The following CNTN5 variants were observed in gnomAD, a reference collection of about 807,000 sequenced individuals.
The protein encoded by CNTN5 is contactin-5.
In CNTN5, 77 loss-of-function variants were observed where a neutral mutation model predicts 129.1. That is an observed-to-expected ratio of 0.60 (90% CI 0.50 to 0.72). The LOEUF (loss-of-function observed/expected upper bound fraction) is 0.72. Ranked by LOEUF, CNTN5 falls within the 30% of genes least tolerant of loss-of-function variation. The pLI is 0.00. For missense variants in CNTN5, 1,478 were observed against 1,328.8 expected (o/e 1.11, Z -1.75); for synonymous variants, 509 against 465.6 (o/e 1.09, Z -1.20).
chr11:99,541,513 T>C (rs1478257760), intron 2 of CNTN5, among the ~76,000 whole-genome samples: 1 of 152,008 alleles, frequency 6.6e-6, no homozygotes, highest in Non-Finnish European at 1.5e-5. Flanking sequence ...GGAGCACAGT[T>C]GAATAGGAAA....
chr11:99,912,712 G>C (rs994182190), intron 6 of CNTN5, among the ~76,000 whole-genome samples: 1 of 148,866 alleles, frequency 6.7e-6, no homozygotes, highest in Non-Finnish European at 1.5e-5. Flanking sequence ...TACAGTTCTA[G>C]TTACAGCTCT....
chr11:99,950,253 T>G (rs1028193002), intron 7 of CNTN5, among the ~76,000 whole-genome samples: 1 of 151,884 alleles, frequency 6.6e-6, no homozygotes, highest in East Asian at 1.9e-4. Context: ...CCGAGGCGGG[T>G]GGATCACGAG....
intron 1 of CNTN5, among the ~76,000 whole-genome samples, chr11:99,023,901 C>T (rs1190491598): frequency 2.0e-5 from 3 of 151,990 alleles, no homozygotes; most frequent in African/African-American, 7.2e-5. Context: ...TCTCTTTCTT[C>T]TTTCTGACAA....
chr11:99,238,375 A>T (rs944675868), intron 1 of CNTN5, among the ~76,000 whole-genome samples: 1 of 152,158 alleles, frequency 6.6e-6, no homozygotes, highest in African/African-American at 2.4e-5. Flanking sequence ...ATAAAATGCA[A>T]TCTGAACCTA....
intron 1 of CNTN5, among the ~76,000 whole-genome samples, chr11:99,064,376 A>T (rs7111962): frequency 0.34 from 50,942 of 152,024 alleles, 8,972 homozygotes; most frequent in African/African-American, 0.42. Context: ...TAGAATCCTT[A>T]ATGAGCAGCA....
At chr11:99,319,892 A>T (rs12786353) in intron 1 of CNTN5, among the ~76,000 whole-genome samples, 36,849 of 152,004 alleles carry the variant, frequency 0.24, 5,082 homozygotes, top group South Asian at 0.32. Flanking sequence ...AACAGACCTG[A>T]GATATATACA....
At chr11:100,154,845 C>T (rs1199104557) in intron 13 of CNTN5, among the ~76,000 whole-genome samples, 5 of 152,056 alleles carry the variant, frequency 3.3e-5, no homozygotes, top group Non-Finnish European at 5.9e-5. Context: ...CTTTTCATAT[C>T]CTTTGCCTAC....
intron 1 of CNTN5, among the ~76,000 whole-genome samples, chr11:99,202,943 G>A (rs1450048086): frequency 6.6e-6 from 1 of 151,276 alleles, no homozygotes; most frequent in Non-Finnish European, 1.5e-5. Flanking sequence ...GAGACAATAA[G>A]TGAGAGAGAA....
chr11:99,576,892 C>A (rs1949372929), intron 3 of CNTN5, among the ~76,000 whole-genome samples: 1 of 152,198 alleles, frequency 6.6e-6, no homozygotes, highest in South Asian at 2.1e-4. Context: ...TCTCTTCATA[C>A]TATCACCTTG....
chr11:100,057,557 G>A (rs1345321169), intron 9 of CNTN5, among the ~76,000 whole-genome samples: 3 of 151,604 alleles, frequency 2.0e-5, no homozygotes, highest in East Asian at 1.9e-4. Flanking sequence ...AAACATATGA[G>A]GCACTGGGGA....
intron 21 of CNTN5, among the ~76,000 whole-genome samples, chr11:100,315,805 AC>A (rs2138944640): frequency 6.6e-6 from 1 of 152,350 alleles, no homozygotes; most frequent in African/African-American, 2.4e-5. Flanking sequence ...AATTTTGGTT[AC>A]CTACATGGCA....
At chr11:99,080,178 A>C (rs1364701574) in intron 1 of CNTN5, among the ~76,000 whole-genome samples, 2 of 152,228 alleles carry the variant, frequency 1.3e-5, no homozygotes, top group Non-Finnish European at 2.9e-5. Flanking sequence ...AATAAAGGCA[A>C]TTGCATTTAG....
chr11:99,888,689 A>G (rs999489765), intron 6 of CNTN5, among the ~76,000 whole-genome samples: 1 of 152,246 alleles, frequency 6.6e-6, no homozygotes, highest in African/African-American at 2.4e-5. Flanking sequence ...ATCCCAGGAA[A>G]GAAAACCTCT....
chr11:100,250,674 A>G (rs985665854), intron 16 of CNTN5, among the ~76,000 whole-genome samples: 6 of 152,132 alleles, frequency 3.9e-5, no homozygotes, highest in African/African-American at 1.4e-4. Flanking sequence ...TAAGAACCAT[A>G]TTTGGGCAAA....
intron 7 of CNTN5, among the ~76,000 whole-genome samples, chr11:99,921,361 C>G (rs766064454): frequency 7.2e-5 from 11 of 152,148 alleles, no homozygotes; most frequent in Non-Finnish European, 1.2e-4. Context: ...AAGCTCCTAC[C>G]TTAAGGCCTT....
At chr11:99,900,589 T>C (rs1949330251) in intron 6 of CNTN5, among the ~76,000 whole-genome samples, 1 of 152,024 alleles carries the variant, frequency 6.6e-6, no homozygotes, top group African/African-American at 2.4e-5. Context: ...TTTAACATGA[T>C]CTTTTTTGTT....
chr11:99,799,975 ATAT>A (rs1364812798), intron 3 of CNTN5, among the ~76,000 whole-genome samples: 3 of 151,826 alleles, frequency 2.0e-5, no homozygotes, highest in Admixed American at 6.6e-5. Context: ...CAATTTTGAG[ATAT>A]TATGTGTTTT....
chr11:99,799,417 T>C (rs1946046510), intron 3 of CNTN5, among the ~76,000 whole-genome samples: 1 of 151,956 alleles, frequency 6.6e-6, no homozygotes, highest in Non-Finnish European at 1.5e-5. Context: ...TCTTGATGTA[T>C]GTTCATTCAA....
chr11:99,634,994 T>C (rs1951499688), intron 3 of CNTN5, among the ~76,000 whole-genome samples: 1 of 152,178 alleles, frequency 6.6e-6, no homozygotes, highest in Non-Finnish European at 1.5e-5. Context: ...AGACAAAATA[T>C]ATACTAATAT....
Sources: allele counts gnomAD v4.1 joint callset (sites outside exome capture counted in the v4.1 genomes callset), GRCh38; gene constraint gnomAD v4.1.1; transcripts MANE v1.5; gene names NCBI Gene and HGNC (gene_info 2026-07-23, HGNC 2026-07-21).